DYSF: variants seen among roughly 807,000 people sequenced by gnomAD.
DYSF encodes the protein dysferlin, also known as dystrophy-associated fer-1-like 1.
DYSF carries 212 observed loss-of-function variants against 274.9 expected under a neutral mutation model. That is an observed-to-expected ratio of 0.77 (90% CI 0.69 to 0.86). The LOEUF is 0.86. Ranked by LOEUF, DYSF falls within the 40% of genes least tolerant of loss-of-function variation. The pLI, the probability that DYSF is intolerant of heterozygous loss-of-function variation, is 0.00. For synonymous variants in DYSF, 1,091 were observed against 1,078.7 expected (o/e 1.01, Z -0.22); for missense variants, 2,666 against 2,783.2 (o/e 0.96, Z 0.95).
chr2:71,599,755 G>A (rs1410241451), intron 33 of DYSF, among the ~76,000 whole-genome samples: 2 of 152,240 alleles, frequency 1.3e-5, no homozygotes, highest in African/African-American at 4.8e-5. Flanking sequence ...GACATTGTCA[G>A]TAAGAGTTGC....
intron 55 of DYSF, 56 bp downstream of exon 55, chr2:71,682,733 C>A (rs2152972265): frequency 1.3e-6 from 2 of 1,575,638 alleles, no homozygotes; most frequent in East Asian, 4.7e-5. Context: ...TGGGGGAGTT[C>A]ATCATTGTCC....
chr2:71,602,387 C>T (rs79134431), intron 35 of DYSF, among the ~76,000 whole-genome samples: 13,065 of 152,232 alleles, frequency 0.086, 759 homozygotes, highest in Middle Eastern at 0.18. Context: ...CAGTGCTGCC[C>T]GCTCCTGGGG....
chr2:71,551,148 A>C lies in DYSF; in HGVS notation c.1684A>C (p.Thr562Pro), dbSNP rs201443353. The C allele has an allele frequency of 1.2e-6, 2 of 1,614,136 alleles. No homozygotes were observed. The highest frequency in any genetic ancestry group is 1.7e-5 in the Admixed American group (1 of 60,034). Residue 562 changes from threonine to proline, a missense_variant, in exon 18 of 56, where the codon ACA becomes CCA. Coordinates refer to ENST00000410020, the MANE Select transcript of DYSF (RefSeq NM_001130987.2). ...CCCAGACCCCTACACAGAGCTCAAC[A>C]CAGGCAAGGTAAGCCGGCTGGAGCC... Reference protein sequence around the residue: ...GFPDPYTELNTGKGEGVAYRG... With the variant: ...GFPDPYTELNPGKGEGVAYRG...
intron 42 of DYSF, among the ~76,000 whole-genome samples, chr2:71,646,996 A>G (rs1199716613): frequency 6.7e-6 from 1 of 150,144 alleles, no homozygotes; most frequent in African/African-American, 2.5e-5. Context: ...TGTATATTTC[A>G]ATGAAAAGAC....
At chr2:71,576,194 A>C (rs2092693367) in intron 30 of DYSF, 1 of 152,560 alleles carries the variant, frequency 6.6e-6, no homozygotes, top group Admixed American at 6.5e-5. Context: ...TGACAGTGCC[A>C]CCAGATTGGG....
rs1309935061 is a variant in DYSF, at chr2:71,513,295, C to T, written c.516C>T (p.Asp172=). Residue 172 remains aspartate (D), a synonymous_variant, in exon 6 of 56, where the codon GAC becomes GAT. Transcript: ENST00000410020. The part of the protein sequence containing the change: ...TWSLLSDSTM[D]TRYSGKKWPA... ...CCCTGCTCAGTGACAGCACCATGGACACGAGATACTCTGGAAAGAAGTGGC... is the reference window on the plus strand; with the variant it reads ...CCCTGCTCAGTGACAGCACCATGGATACGAGATACTCTGGAAAGAAGTGGC... 6.4e-7 allele frequency: 1 copy of T among 1,551,662 alleles called. No homozygotes were observed. The highest frequency in any genetic ancestry group is 8.7e-7 in the Non-Finnish European group (1 of 1,146,968).
At chr2:71,659,078 G>C (rs895967735) in intron 44 of DYSF, 45 bp downstream of exon 44, 1 of 1,613,304 alleles carries the variant, frequency 6.2e-7, no homozygotes, top group African/African-American at 1.3e-5. Flanking sequence ...AGCAGGCTCA[G>C]GTACAAGTGG....
intron 21 of DYSF, among the ~76,000 whole-genome samples, chr2:71,554,236 G>A (rs1001257343): frequency 4.6e-5 from 7 of 152,202 alleles, no homozygotes; most frequent in African/African-American, 9.7e-5. Flanking sequence ...GCTCTCGCTC[G>A]CTTACTCACT....
chr2:71,543,826 C>T (rs1290041032), intron 17 of DYSF, among the ~76,000 whole-genome samples: 3 of 151,306 alleles, frequency 2.0e-5, no homozygotes, highest in South Asian at 4.2e-4. Flanking sequence ...AGTCCAGCTT[C>T]GGCTCGGCAT....
intron 26 of DYSF, among the ~76,000 whole-genome samples, chr2:71,569,422 T>G (rs1313758156): frequency 6.6e-6 from 1 of 152,234 alleles, no homozygotes; most frequent in Non-Finnish European, 1.5e-5. Context: ...CATTCAACTC[T>G]GTGGTGTTTA....
At chr2:71,646,582 T>G (rs575179393) in intron 42 of DYSF, among the ~76,000 whole-genome samples, 4 of 152,140 alleles carry the variant, frequency 2.6e-5, no homozygotes, top group Non-Finnish European at 1.5e-5. Context: ...ACACAGTGGG[T>G]GCAGGAAAAC....
chr2:71,500,553 TG>T (rs1189335210), intron 3 of DYSF, among the ~76,000 whole-genome samples: 3 of 151,688 alleles, frequency 2.0e-5, no homozygotes, highest in Admixed American at 2.0e-4. Flanking sequence ...CTGGCAGGGG[TG>T]GGGGTGCTAC....
intron 5 of DYSF, among the ~76,000 whole-genome samples, chr2:71,512,635 G>A (rs1037259773): frequency 3.2e-4 from 49 of 152,204 alleles, no homozygotes; most frequent in Non-Finnish European, 1.5e-4. Context: ...CAGCCTGCTG[G>A]GGTTGGGAGG....
intron 40 of DYSF, among the ~76,000 whole-genome samples, chr2:71,619,358 G>C (rs147072852): frequency 3.3e-5 from 5 of 152,062 alleles, no homozygotes; most frequent in African/African-American, 1.2e-4. Flanking sequence ...GCCCTCCTGC[G>C]TATGCTTCTG....
chr2:71,616,767 C>T (rs1229499213), intron 40 of DYSF, among the ~76,000 whole-genome samples: 2 of 152,150 alleles, frequency 1.3e-5, no homozygotes, highest in Non-Finnish European at 2.9e-5. Context: ...GGGCTTACCT[C>T]CATCCAAACA....
At chr2:71,565,258 T>TC (rs2152807667) in intron 24 of DYSF, among the ~76,000 whole-genome samples, 1 of 151,142 alleles carries the variant, frequency 6.6e-6, no homozygotes, top group East Asian at 1.9e-4. Context: ...TTTTTTTTTT[T>TC]TTTTTTAATT....
chr2:71,616,482 C>G (rs1360506551), intron 40 of DYSF, among the ~76,000 whole-genome samples: 1 of 139,392 alleles, frequency 7.2e-6, no homozygotes, highest in Non-Finnish European at 1.5e-5. Flanking sequence ...GTGAGCATGA[C>G]AGGTGGGGGT....
At chr2:71,547,527 A>G (rs1210821951) in intron 17 of DYSF, among the ~76,000 whole-genome samples, 1 of 152,190 alleles carries the variant, frequency 6.6e-6, no homozygotes, top group Non-Finnish European at 1.5e-5. Context: ...CTGGAATCAT[A>G]GCTACTTGGG....
At chr2:71,665,338 C>G (rs187779994) in intron 47 of DYSF, 34 bp downstream of exon 47, 3 of 1,613,562 alleles carry the variant, frequency 1.9e-6, no homozygotes. Context: ...CCATGGTGGG[C>G]TCTCGCTGTA....
Sources: allele counts gnomAD v4.1 joint callset (sites outside exome capture counted in the v4.1 genomes callset), GRCh38; gene constraint gnomAD v4.1.1; transcripts MANE v1.5; gene names NCBI Gene and HGNC (gene_info 2026-07-23, HGNC 2026-07-21).